The following CNTNAP5 variants were observed in gnomAD, a reference collection of about 807,000 sequenced individuals.
The protein encoded by CNTNAP5 is contactin-associated protein-like 5.
In CNTNAP5, 72 loss-of-function variants were observed where a neutral mutation model predicts 150.2. That is an observed-to-expected ratio of 0.48 (90% CI 0.40 to 0.58). CNTNAP5 has a LOEUF of 0.58. Ranked by LOEUF, CNTNAP5 falls within the 20% of genes least tolerant of loss-of-function variation. The pLI is 0.00. For synonymous variants in CNTNAP5, 672 were observed against 619.8 expected (o/e 1.08, Z -1.25); for missense variants, 1,636 against 1,626.2 (o/e 1.01, Z -0.10).
At chr2:124,454,631 A>T (rs912587171) in intron 6 of CNTNAP5, among the ~76,000 whole-genome samples, 1 of 152,152 alleles carries the variant, frequency 6.6e-6, no homozygotes, top group East Asian at 1.9e-4. Context: ...AAGATAGAGG[A>T]TATGGTAGGC....
chr2:124,817,852 G>C (rs911644843), intron 19 of CNTNAP5, among the ~76,000 whole-genome samples: 1 of 152,122 alleles, frequency 6.6e-6, no homozygotes, highest in Admixed American at 6.6e-5. Flanking sequence ...GGTGAATCTG[G>C]CCTGGGGGTA....
At chr2:124,480,563 T>C (rs949832453) in intron 7 of CNTNAP5, among the ~76,000 whole-genome samples, 1 of 152,156 alleles carries the variant, frequency 6.6e-6, no homozygotes, top group African/African-American at 2.4e-5. Flanking sequence ...CACCTTTATC[T>C]TACCTCCCTG....
intron 4 of CNTNAP5, among the ~76,000 whole-genome samples, chr2:124,426,376 G>C (rs1692238230): frequency 6.6e-6 from 1 of 152,190 alleles, no homozygotes; most frequent in African/African-American, 2.4e-5. Context: ...GTGCAAATTT[G>C]AGCTGCTGTG....
chr2:124,447,374 G>A (rs1229055780), intron 6 of CNTNAP5, among the ~76,000 whole-genome samples: 1 of 152,214 alleles, frequency 6.6e-6, no homozygotes, highest in East Asian at 1.9e-4. Context: ...TCCGATGCAA[G>A]CTTTTGACTA....
chr2:124,905,142 A>G (rs1481581006), intron 22 of CNTNAP5, among the ~76,000 whole-genome samples: 9 of 126,150 alleles, frequency 7.1e-5, no homozygotes, highest in Non-Finnish European at 1.4e-4. Context: ...TTTTTTTTCC[A>G]CAAAAGGCAT....
chr2:124,638,754 T>G (rs1033871063), intron 12 of CNTNAP5, among the ~76,000 whole-genome samples: 5 of 152,194 alleles, frequency 3.3e-5, no homozygotes, highest in Admixed American at 2.6e-4. Flanking sequence ...CTTTTGTACC[T>G]TCACAAAATG....
intron 3 of CNTNAP5, among the ~76,000 whole-genome samples, chr2:124,300,545 C>T (rs536886556): frequency 4.6e-5 from 7 of 152,164 alleles, no homozygotes; most frequent in East Asian, 1.9e-4. Flanking sequence ...ATCCTTGGTA[C>T]GATGGAGGAA....
intron 3 of CNTNAP5, among the ~76,000 whole-genome samples, chr2:124,329,249 A>C (rs1689291164): frequency 6.6e-6 from 1 of 152,084 alleles, no homozygotes; most frequent in Non-Finnish European, 1.5e-5. Flanking sequence ...AATTTATGGA[A>C]AAAAAAATGT....
At chr2:124,200,711 G>A (rs13418151) in intron 1 of CNTNAP5, among the ~76,000 whole-genome samples, 46,686 of 151,964 alleles carry the variant, frequency 0.31, 7,328 homozygotes, top group South Asian at 0.48. Context: ...ACCTGATTTC[G>A]AAGCTGCAGG....
At chr2:124,081,034 G>A (rs1466081179) in intron 1 of CNTNAP5, among the ~76,000 whole-genome samples, 1 of 152,088 alleles carries the variant, frequency 6.6e-6, no homozygotes, top group Non-Finnish European at 1.5e-5. Flanking sequence ...CAAAGTTCTT[G>A]TAGTCATAAA....
chr2:124,126,220 A>G (rs967106517), intron 1 of CNTNAP5, among the ~76,000 whole-genome samples: 1 of 152,132 alleles, frequency 6.6e-6, no homozygotes, highest in Admixed American at 6.5e-5. Flanking sequence ...CAATAAAAAA[A>G]TGATAAAGGG....
chr2:124,798,566 G>A (rs1351754595), intron 19 of CNTNAP5, among the ~76,000 whole-genome samples: 1 of 152,192 alleles, frequency 6.6e-6, no homozygotes, highest in East Asian at 1.9e-4. Context: ...CTGAATAGCA[G>A]TAATTCTTTA....
intron 1 of CNTNAP5, among the ~76,000 whole-genome samples, chr2:124,050,648 G>T (rs1306916676): frequency 6.6e-6 from 1 of 152,104 alleles, no homozygotes; most frequent in Non-Finnish European, 1.5e-5. Flanking sequence ...GTGTGCTGCA[G>T]TCCCTCCTTA....
At chr2:124,765,344 A>G (rs368428722) in intron 16 of CNTNAP5, among the ~76,000 whole-genome samples, 1 of 152,166 alleles carries the variant, frequency 6.6e-6, no homozygotes, top group African/African-American at 2.4e-5. Context: ...AGTAGGATGC[A>G]AATTTTGTCT....
rs148711991 is a variant in CNTNAP5, at chr2:124,084,598, T to A, written c.82+58866T>A. On this transcript the variant is annotated intron_variant, in intron 1 of 23. Coordinates refer to ENST00000682447, the MANE Select transcript of CNTNAP5 (RefSeq NM_001367498.1). ...GATTCTTGACTTATTGCATTGGCTA[T>A]ACATACATGTATGTGTGTGTATAGT... Among the ~76,000 whole-genome samples, 538 of 152,204 alleles carry A rather than the reference T, an allele frequency of 3.5e-3. 2 individuals are homozygous for A. Among genetic ancestry groups the A allele is most frequent in the African/African-American group, 0.012 (517 of 41,532 alleles).
At chr2:124,709,216 GGTGTGTGTGTGTGTGCGTGTGTGTGTGT>G (rs1357135235) in intron 13 of CNTNAP5, among the ~76,000 whole-genome samples, 1 of 138,584 alleles carries the variant, frequency 7.2e-6, no homozygotes, top group Non-Finnish European at 1.6e-5. Context: ...GGGGAGGGAG[GGTGTGTGTGTGTGTGCGTGTGTGTGTGT>G]GTGTGTGTGT....
At chr2:124,487,593 A>C (rs1693915924) in intron 7 of CNTNAP5, among the ~76,000 whole-genome samples, 1 of 151,996 alleles carries the variant, frequency 6.6e-6, no homozygotes, top group South Asian at 2.1e-4. Flanking sequence ...GCCCCAGAAG[A>C]TGACTTTGGT....
intron 3 of CNTNAP5, among the ~76,000 whole-genome samples, chr2:124,346,916 CAAAA>C (rs35078281): frequency 9.2e-6 from 1 of 109,062 alleles, no homozygotes; most frequent in African/African-American, 3.6e-5. Context: ...ATTAAAAATA[CAAAA>C]AAAAAAAAAA....
intron 13 of CNTNAP5, among the ~76,000 whole-genome samples, chr2:124,724,985 C>A (rs886567378): frequency 7.2e-6 from 1 of 139,624 alleles, no homozygotes; most frequent in Non-Finnish European, 1.5e-5. Flanking sequence ...AGAAATTCTT[C>A]CCCATGAAAT....
Sources: gnomAD v4.1 joint callset for allele counts (sites outside exome capture counted in the v4.1 genomes callset) on GRCh38, gnomAD v4.1.1 for gene constraint, MANE v1.5 for transcripts, NCBI Gene and HGNC (gene_info 2026-07-23, HGNC 2026-07-21) for gene names.